Variants in ANO7 observed in about 807,000 individuals in gnomAD.
The protein encoded by ANO7 is anoctamin-7.
Under a neutral mutation model 115.8 loss-of-function variants are expected in ANO7, and 114 were observed. The ratio of observed to expected loss-of-function variants is 0.98; its 90% CI spans 0.85 to 1.15. The LOEUF (loss-of-function observed/expected upper bound fraction) is 1.15. Among genes scored for constraint, ANO7 ranks in the 50% most tolerant of loss-of-function variants. The pLI, the probability that ANO7 is intolerant of heterozygous loss-of-function variation, is 0.00. For missense variants in ANO7, 1,302 were observed against 1,201.2 expected, an observed-to-expected ratio of 1.08 and a Z score of -1.24; for synonymous variants, 550 against 498.2, an observed-to-expected ratio of 1.10 and a Z score of -1.38.
At chr2:241,200,336 G>C in intron 6 of ANO7, 111 bp downstream of exon 6, 1 of 1,425,624 alleles carries the variant, frequency 7.0e-7, no homozygotes, top group Non-Finnish European at 9.4e-7. Context: ...TGGAGTTTTC[G>C]GCAGGGAATC....
chr2:241,234,160 G>T, the ANO7 span, among the ~76,000 whole-genome samples: 1 of 152,198 alleles, frequency 6.6e-6, no homozygotes, highest in Non-Finnish European at 1.5e-5. Context: ...CAGGGAACTT[G>T]GCTGCTCCAC....
intron 21 of ANO7, 104 bp from the exon 22 acceptor site, chr2:241,223,082 G>A: frequency 9.8e-7 from 1 of 1,018,344 alleles, no homozygotes; most frequent in South Asian, 1.5e-5. Flanking sequence ...CATGGGATGA[G>A]AGAGCGAAAT....
intron 10 of ANO7, among the ~76,000 whole-genome samples, chr2:241,205,773 C>T (rs1396310440): frequency 1.3e-5 from 1 of 78,254 alleles, no homozygotes; most frequent in African/African-American, 5.6e-5. Context: ...TGCTCCCAGT[C>T]TGACAGGTGG....
At chr2:241,198,590 T>C (rs2068396180) in intron 4 of ANO7, among the ~76,000 whole-genome samples, 1 of 152,152 alleles carries the variant, frequency 6.6e-6, no homozygotes, top group Non-Finnish European at 1.5e-5. Context: ...CACGGCCAGC[T>C]GGGGGCCAGG....
downstream of ANO7, chr2:241,230,283 A>T: frequency 1.3e-6 from 2 of 1,503,016 alleles, no homozygotes; most frequent in Non-Finnish European, 1.8e-6. This position sits in a 1 kb window ranked among gnomAD's most constrained non-coding sequence, Gnocchi z 5.0. Flanking sequence ...GAAGGGGTGT[A>T]CAACGTCAGA....
chr2:241,236,992 G>T, the ANO7 span, among the ~76,000 whole-genome samples: 2 of 140,602 alleles, frequency 1.4e-5, no homozygotes, highest in African/African-American at 2.6e-5. Flanking sequence ...GGGGGGGGGG[G>T]GGCGGCAATG....
rs145423377 is a variant in ANO7 at position 241,190,837 on chromosome 2, C to A, written c.109-357C>A. Among the ~76,000 whole-genome samples the A allele has an allele frequency of 3.3e-5, 5 of 152,344 alleles. No individual in the cohort carries two copies. In the East Asian group the frequency reaches 9.7e-4, roughly 30 times the overall value. ...GGGAGCAGTCCGGCTCCCCTCTGCC[C>A]CTGGAGGCCAGCAAGGCAGGCACCC... On this transcript the variant is annotated intron_variant, in intron 2 of 24. Coordinates refer to ENST00000674324, the MANE Select transcript of ANO7 (RefSeq NM_001370694.2).
chr2:241,232,477 T>C, the ANO7 span, among the ~76,000 whole-genome samples: 1 of 152,186 alleles, frequency 6.6e-6, no homozygotes, highest in Non-Finnish European at 1.5e-5. Flanking sequence ...GCTTTCGCCA[T>C]GTTGGTCAGG....
chr2:241,233,204 C>CA, the ANO7 span, among the ~76,000 whole-genome samples: 6 of 152,162 alleles, frequency 3.9e-5, no homozygotes, highest in Non-Finnish European at 7.4e-5. This position sits in a 1 kb window ranked among gnomAD's most constrained non-coding sequence, Gnocchi z 4.3. Flanking sequence ...CAGGAAAGAC[C>CA]AAGCCTGGGA....
rs546394591 is a variant in ANO7, at chr2:241,225,682, G to C, written c.*1529G>C. On this transcript the variant is annotated 3_prime_UTR_variant, in exon 25 of 25. Transcript: ENST00000674324. ...CCTGAGGGCGGCGTGCTTGCTTGTAGCATTTCTTGAGGATTTGCTACTTGT... is the reference window on the plus strand; with the variant it reads ...CCTGAGGGCGGCGTGCTTGCTTGTACCATTTCTTGAGGATTTGCTACTTGT... Among the ~76,000 whole-genome samples the C allele has an allele frequency of 1.3e-5, 2 of 152,244 alleles. No homozygotes were observed. The highest frequency in any genetic ancestry group is 2.1e-4 in the South Asian group (1 of 4,826).
chr2:241,208,810 G>A (rs1024009600), intron 11 of ANO7, among the ~76,000 whole-genome samples: 3 of 152,164 alleles, frequency 2.0e-5, no homozygotes, highest in African/African-American at 4.8e-5. Context: ...GGTGTGAGCC[G>A]TCCTGAGGCA....
chr2:241,234,033 A>G, the ANO7 span: 4 of 1,564,382 alleles, frequency 2.6e-6, no homozygotes, highest in South Asian at 4.5e-5. Flanking sequence ...TTCCCCTTCC[A>G]CCCTGGTCAT....
chr2:241,198,235 A>C (rs1574763562), intron 4 of ANO7, among the ~76,000 whole-genome samples: 1 of 150,698 alleles, frequency 6.6e-6, no homozygotes. Context: ...ACATCACCCC[A>C]CCCCAGGGTG....
chr2:241,194,860 T>G (rs575810354), intron 3 of ANO7, among the ~76,000 whole-genome samples: 128 of 152,272 alleles, frequency 8.4e-4, no homozygotes, highest in Middle Eastern at 3.4e-3. Flanking sequence ...ATCCACCGGG[T>G]TCTTGGATAG....
At chr2:241,190,776 G>C (rs530446637) in intron 2 of ANO7, among the ~76,000 whole-genome samples, 3 of 152,342 alleles carry the variant, frequency 2.0e-5, no homozygotes, top group African/African-American at 4.8e-5. Context: ...AGACACTCTC[G>C]GTCGCCATGG....
At chr2:241,196,270 AT>A in intron 4 of ANO7, 1 of 737,572 alleles carries the variant, frequency 1.4e-6, no homozygotes, top group Non-Finnish European at 1.7e-6. Flanking sequence ...ACTTAGAATC[AT>A]TTAAGCAACA....
intron 14 of ANO7, 37 bp downstream of exon 14, chr2:241,210,430 G>A (rs368519470): frequency 1.2e-5 from 19 of 1,613,764 alleles, no homozygotes; most frequent in South Asian, 6.6e-5. Context: ...GGCCCTGAGC[G>A]GCCCCTCATC....
chr2:241,216,058 G>T, intron 18 of ANO7, 35 bp from the exon 19 acceptor site: 1 of 1,578,854 alleles, frequency 6.3e-7, no homozygotes, highest in South Asian at 1.2e-5. Context: ...ACCCATGTTG[G>T]ATCAAAGGCC....
chr2:241,217,503 C>T, intron 19 of ANO7, 183 bp from the exon 20 acceptor site: 1 of 659,890 alleles, frequency 1.5e-6, no homozygotes, highest in Non-Finnish European at 2.5e-6. Context: ...GGCCTGAGGC[C>T]GGTCAGGAGA....
Sources: gnomAD v4.1 joint callset for allele counts (sites outside exome capture counted in the v4.1 genomes callset) on GRCh38, gnomAD v4.1.1 for gene constraint, Gnocchi (gnomAD v3.1) non-coding constraint, MANE v1.5 for transcripts, NCBI Gene and HGNC (gene_info 2026-07-23, HGNC 2026-07-21) for gene names.